Variants in AAGAB observed in about 807,000 individuals in gnomAD.
The protein encoded by AAGAB is alpha and gamma adaptin binding protein.
A neutral mutation model predicts 44.1 loss-of-function variants in AAGAB; 38 were observed. That is an observed-to-expected ratio of 0.86 (90% confidence interval 0.67 to 1.13). The LOEUF (loss-of-function observed/expected upper bound fraction) is 1.13. AAGAB is among the 50% of genes most tolerant of loss of function. AAGAB has a pLI of 0.00. For missense variants in AAGAB, 450 were observed against 373.8 expected (o/e 1.20, Z -1.68); for synonymous variants, 131 against 131.8 (o/e 0.99, Z 0.04).
intron 5 of AAGAB, among the ~76,000 whole-genome samples, chr15:67,224,647 C>A (rs952863820): frequency 2.0e-5 from 3 of 147,262 alleles, no homozygotes; most frequent in African/African-American, 7.6e-5. Context: ...GTGGCGCGAT[C>A]TCAGCTCACT....
intron 9 of AAGAB, 105 bp downstream of exon 9, chr15:67,203,443 G>T: frequency 3.2e-6 from 3 of 937,768 alleles, no homozygotes; most frequent in Non-Finnish European, 4.9e-6. Context: ...TCAATGAAAA[G>T]CTCACACTAA....
chr15:67,220,723 T>C (rs571366134), intron 5 of AAGAB, among the ~76,000 whole-genome samples: 9 of 152,342 alleles, frequency 5.9e-5, no homozygotes, highest in African/African-American at 2.2e-4. Context: ...AAAAATATTA[T>C]ATAGATAAAT....
chr15:67,217,817 T>C (rs983735575), intron 5 of AAGAB, among the ~76,000 whole-genome samples: 3 of 152,188 alleles, frequency 2.0e-5, no homozygotes, highest in African/African-American at 7.2e-5. Context: ...ATCACAGGTG[T>C]GAGCCACCAC....
At position 67,220,646 on chromosome 15, in the gene AAGAB, C is replaced by G. The variant is rs528168324; in HGVS notation, c.536-11102G>C. ...CTATCATGCCAAACAAAATAATGCTCCTTATTAAGTTTCATAAAACACAAG... is the reference window on the plus strand; with the variant it reads ...CTATCATGCCAAACAAAATAATGCTGCTTATTAAGTTTCATAAAACACAAG... On this transcript the variant is annotated intron_variant, in intron 5 of 9. Coordinates refer to ENST00000261880, the MANE Select transcript of AAGAB (RefSeq NM_024666.5). 6 of 152,262 alleles carry G rather than the reference C, an allele frequency of 3.9e-5. No homozygotes were observed. In the South Asian group the frequency reaches 1.0e-3, roughly 26 times the overall value. 9.4% of individuals were successfully genotyped at this position (152,262 alleles called of 1,614,324 possible).
At chr15:67,224,814 C>T (rs1042859576) in intron 5 of AAGAB, among the ~76,000 whole-genome samples, 3 of 152,022 alleles carry the variant, frequency 2.0e-5, no homozygotes, top group South Asian at 2.1e-4. Context: ...CTCCTGGCCT[C>T]TACTGATCTG....
chr15:67,224,846 G>T (rs996449706), intron 5 of AAGAB, among the ~76,000 whole-genome samples: 5 of 152,116 alleles, frequency 3.3e-5, no homozygotes, highest in Admixed American at 2.0e-4. Context: ...CTCCGAAAGT[G>T]CTGGGATTAC....
At chr15:67,227,790 T>C (rs1964239356) in intron 5 of AAGAB, among the ~76,000 whole-genome samples, 1 of 152,230 alleles carries the variant, frequency 6.6e-6, no homozygotes, top group African/African-American at 2.4e-5. Context: ...TCTAAAAGGA[T>C]ATCCTTCACA....
chr15:67,222,660 T>A (rs1270072226), intron 5 of AAGAB, among the ~76,000 whole-genome samples: 1 of 152,060 alleles, frequency 6.6e-6, no homozygotes, highest in Admixed American at 6.6e-5. Flanking sequence ...CTGGAGCCCA[T>A]CCCTTCTACC....
chr15:67,247,001 G>T lies in AAGAB; in HGVS notation c.73+7558C>A, dbSNP rs1964742061. On this transcript the variant is annotated intron_variant, in intron 1 of 9. Transcript: ENST00000261880. ...AAATCTTGCTGCTGCTCACTCTTTGGGTCCGTACTACCTTTATGAGTTGTA... is the reference window on the plus strand; with the variant it reads ...AAATCTTGCTGCTGCTCACTCTTTGTGTCCGTACTACCTTTATGAGTTGTA... 2.0e-5 allele frequency among the ~76,000 whole-genome samples: 3 copies of T among 152,128 alleles called. No homozygotes were observed. The South Asian group carries it at 6.2e-4, about 32-fold the overall frequency.
At position 67,202,552 on chromosome 15, in the gene AAGAB, C is replaced by A. The variant is rs1020003780; in HGVS notation, c.*269G>T. On this transcript the variant is annotated 3_prime_UTR_variant, in exon 10 of 10. Coordinates refer to ENST00000261880, the MANE Select transcript of AAGAB (RefSeq NM_024666.5). ...AATCACACAGACCTCTGAGATTTATCCTACCCTCATTCCTAGAACAAAAAA... is the reference window on the plus strand; with the variant it reads ...AATCACACAGACCTCTGAGATTTATACTACCCTCATTCCTAGAACAAAAAA... 3 of 420,840 alleles carry A rather than the reference C, an allele frequency of 7.1e-6. No individual in the cohort carries two copies. The highest frequency in any genetic ancestry group is 4.0e-5 in the African/African-American group (2 of 50,456). 26.1% of individuals were successfully genotyped at this position (420,840 alleles called of 1,614,324 possible). A position where few individuals can be genotyped will look rare whatever the true frequency, so the allele number is the denominator to read the frequency against.
chr15:67,231,677 C>T, intron 5 of AAGAB, 137 bp downstream of exon 5: 1 of 683,332 alleles, frequency 1.5e-6, no homozygotes. Flanking sequence ...ACTTTTGGCG[C>T]TTCCTTCAAT....
chr15:67,236,907 G>A lies in AAGAB; in HGVS notation c.74-87C>T. 6 of 1,078,630 alleles carry A rather than the reference G, an allele frequency of 5.6e-6. No individual in the cohort carries two copies. The East Asian group carries it at 1.0e-4, about 19-fold the overall frequency. The allele number at this position is 1,078,630 out of a possible 1,614,324, so 66.8% of individuals were successfully genotyped here. ...CTCAGTCAGATACCAGATAAAGCTG[G>A]TACTTTTGCTGTTTCCTTTTATGTG... On this transcript the variant is annotated intron_variant, in intron 1 of 9. Coordinates refer to ENST00000261880, the MANE Select transcript of AAGAB (RefSeq NM_024666.5).
chr15:67,206,496 C>T (rs1432614370), intron 7 of AAGAB, among the ~76,000 whole-genome samples: 1 of 152,158 alleles, frequency 6.6e-6, no homozygotes, highest in Admixed American at 6.5e-5. Context: ...TGTTTTGTGC[C>T]TAATGATGGC....
chr15:67,231,881 A>G lies in AAGAB; in HGVS notation c.468T>C (p.Ser156=). 6.2e-7 allele frequency: 1 copy of G among 1,610,702 alleles called. No individual in the cohort carries two copies. The highest frequency in any genetic ancestry group is 8.5e-7 in the Non-Finnish European group (1 of 1,177,180). The change falls in exon 5 of 10, where the codon TCT becomes TCC. Residue 156 remains serine, a synonymous_variant. Coordinates refer to ENST00000261880, the MANE Select transcript of AAGAB (RefSeq NM_024666.5). ...CTTGGACAATTCGCTTTACTCCTGT[A>G]GATTCTGGGAAGTCATCTAATCAGG... is the stretch of plus-strand genomic sequence containing the variant. ...LPEEDDDFPE[S]TGVKRIVQAL...
At chr15:67,202,946 G>A (rs1413049124) in intron 9 of AAGAB, 48 bp from the exon 10 acceptor site, 1 of 1,570,738 alleles carries the variant, frequency 6.4e-7, no homozygotes, top group Admixed American at 1.7e-5. Context: ...CTACATTTCA[G>A]CTTGTTTCAT....
In AAGAB at chr15:67,225,157, A is replaced by G. The variant is rs552266004; in HGVS notation, c.535+6657T>C. ...AGCTTCCCAGGTGACTAAAGTTCCC[A>G]GGTGATTCCAATGTGCAAACACGTT... On this transcript the variant is annotated intron_variant, in intron 5 of 9. Coordinates refer to ENST00000261880, the MANE Select transcript of AAGAB (RefSeq NM_024666.5). Among the ~76,000 whole-genome samples the G allele has an allele frequency of 1.5e-4, 23 of 152,324 alleles. No homozygotes were observed. In the South Asian group the frequency reaches 4.8e-3, roughly 32 times the overall value.
At chr15:67,253,765 AAAAAG>A (rs1254211458) in intron 1 of AAGAB, among the ~76,000 whole-genome samples, 5 of 152,002 alleles carry the variant, frequency 3.3e-5, no homozygotes, top group South Asian at 2.1e-4. Context: ...TTAAAAAAAA[AAAAAG>A]AAAAGAAGGA....
chr15:67,243,231 A>C (rs1031470926), intron 1 of AAGAB, among the ~76,000 whole-genome samples: 1 of 152,132 alleles, frequency 6.6e-6, no homozygotes, highest in Admixed American at 6.5e-5. Context: ...AAGAACATAA[A>C]GAAGCCATCA....
intron 1 of AAGAB, among the ~76,000 whole-genome samples, chr15:67,240,113 C>A (rs527378053): frequency 5.8e-4 from 88 of 152,328 alleles, no homozygotes; most frequent in African/African-American, 2.0e-3. Flanking sequence ...CTAAAGGATC[C>A]TCTGCCCTTT....
Sources: gnomAD v4.1 joint callset for allele counts (sites outside exome capture counted in the v4.1 genomes callset) on GRCh38, gnomAD v4.1.1 for gene constraint, MANE v1.5 for transcripts, NCBI Gene and HGNC (gene_info 2026-07-23, HGNC 2026-07-21) for gene names.